Variants in SPHKAP observed in about 807,000 individuals in gnomAD.
SPHKAP encodes the protein A-kinase anchor protein SPHKAP.
In SPHKAP, 67 loss-of-function variants were observed where a neutral mutation model predicts 137.5. The ratio of observed to expected loss-of-function variants is 0.49; its 90% confidence interval spans 0.40 to 0.60. The LOEUF is 0.60. SPHKAP is among the 20% of genes least tolerant of loss of function. The pLI is 0.00. For synonymous variants in SPHKAP, 813 were observed against 785.3 expected (o/e 1.04, Z -0.59); for missense variants, 2,097 against 2,069.3 (o/e 1.01, Z -0.26).
intron 3 of SPHKAP, among the ~76,000 whole-genome samples, chr2:228,083,121 C>G (rs186406618): frequency 1.4e-4 from 21 of 152,182 alleles, no homozygotes; most frequent in African/African-American, 4.6e-4. Context: ...AAAAATAAAC[C>G]TCTCAACCCA....
At chr2:228,099,657 G>T (rs927753930) in intron 3 of SPHKAP, among the ~76,000 whole-genome samples, 2 of 152,086 alleles carry the variant, frequency 1.3e-5, no homozygotes, top group African/African-American at 4.8e-5. Flanking sequence ...TAATCCATGA[G>T]CATAGGATGA....
In SPHKAP at chr2:228,149,024, A is replaced by G. The variant is rs532762598; in HGVS notation, c.33-16939T>C. 7.2e-5 allele frequency among the ~76,000 whole-genome samples: 11 copies of G among 152,290 alleles called. 1 individual carries two copies. The East Asian group carries it at 9.7e-4, about 13-fold the overall frequency. On this transcript the variant is annotated intron_variant, in intron 1 of 11. Coordinates refer to ENST00000392056, the MANE Select transcript of SPHKAP (RefSeq NM_001142644.2). ...ATTTGTGTCTGATTGAGCTTCATATAATTGATGCATTAAAGAGGTAATTTA... is the reference window on the plus strand; with the variant it reads ...ATTTGTGTCTGATTGAGCTTCATATGATTGATGCATTAAAGAGGTAATTTA...
chr2:228,032,924 T>C (rs1336426425), intron 3 of SPHKAP, among the ~76,000 whole-genome samples: 1 of 152,086 alleles, frequency 6.6e-6, no homozygotes, highest in Admixed American at 6.6e-5. Context: ...TCCAAAAACA[T>C]GCCAAAATGT....
chr2:228,019,780 AGCACAT>A lies in SPHKAP; in HGVS notation c.1068_1073del (p.Cys357_Ala358del). 1 of 1,614,116 alleles carries A rather than the reference AGCACAT, an allele frequency of 6.2e-7. No homozygotes were observed. The highest frequency in any genetic ancestry group is 8.5e-7 in the Non-Finnish European group (1 of 1,179,986). On this transcript the variant is annotated inframe_deletion, in exon 7 of 12. Transcript: ENST00000392056. ...TTAGGTTGCTTCTCTGCTCTGCCAC[AGCACAT>A]GCAGAAGGTACATCTTTATCCATCA... is the stretch of plus-strand genomic sequence containing the variant.
Position 228,019,913 on chromosome 2 carries a change from C to T in SPHKAP, c.941G>A (p.Gly314Glu), listed in dbSNP as rs1694769425. ...ATAATGTGTGGCTTGTCTCCCATTC[C>T]CCACAGCTTCTCTTTTCCACTGTGA... Reference protein sequence around the residue: ...KPSQWKREAVGNGRQATHYYH... With the variant: ...KPSQWKREAVENGRQATHYYH... The change falls in exon 7 of 12, where the codon GGG (glycine) becomes GAG (glutamate). Residue 314 changes from glycine (G) to glutamate (E), a missense_variant. By Grantham distance (98) the Gly-to-Glu change is moderately conservative (BLOSUM62 -2). Coordinates refer to ENST00000392056, the MANE Select transcript of SPHKAP (RefSeq NM_001142644.2). 2 of 1,614,238 alleles carry T rather than the reference C, an allele frequency of 1.2e-6. No individual in the cohort carries two copies. Among genetic ancestry groups the T allele is most frequent in the Non-Finnish European group, 1.7e-6 (2 of 1,180,038 alleles).
intron 3 of SPHKAP, among the ~76,000 whole-genome samples, chr2:228,081,497 A>C (rs763996203): frequency 9.2e-5 from 14 of 152,206 alleles, no homozygotes; most frequent in Non-Finnish European, 1.9e-4. Context: ...CTGCAATTCC[A>C]TGTTTATTAC....
At position 227,981,593 on chromosome 2, in the gene SPHKAP, A is replaced by T; in HGVS notation, c.*124T>A. 7.8e-7 allele frequency: 1 copy of T among 1,285,274 alleles called. No homozygotes were observed. The highest frequency in any genetic ancestry group is 1.1e-6 in the Non-Finnish European group (1 of 952,002). 79.6% of individuals were successfully genotyped at this position (1,285,274 alleles called of 1,614,324 possible). On this transcript the variant is annotated 3_prime_UTR_variant, in exon 12 of 12. Coordinates refer to ENST00000392056, the MANE Select transcript of SPHKAP (RefSeq NM_001142644.2). ...TGTATGCAGTGGATCTGAGTAGCAGATTTTTTTTTATAGTTCTGCTAATGT... is the reference window on the plus strand; with the variant it reads ...TGTATGCAGTGGATCTGAGTAGCAGTTTTTTTTTTATAGTTCTGCTAATGT...
chr2:228,115,391 C>T (rs1698676878), intron 2 of SPHKAP, among the ~76,000 whole-genome samples: 1 of 152,112 alleles, frequency 6.6e-6, no homozygotes, highest in Non-Finnish European at 1.5e-5. Flanking sequence ...ACCTGACTTC[C>T]TGACTTCCCT....
At chr2:228,109,236 G>T (rs571650463) in intron 2 of SPHKAP, 15 of 365,436 alleles carry the variant, frequency 4.1e-5, no homozygotes, top group African/African-American at 2.9e-4. Flanking sequence ...TCAAATGATT[G>T]TTTTGGGGGT....
chr2:228,058,665 C>T (rs866017810), intron 3 of SPHKAP, among the ~76,000 whole-genome samples: 3 of 152,324 alleles, frequency 2.0e-5, no homozygotes, highest in Middle Eastern at 3.4e-3. Context: ...GATTTCCCAG[C>T]ATTCTGTGCT....
At chr2:228,062,767 G>A (rs879486617) in intron 3 of SPHKAP, among the ~76,000 whole-genome samples, 29 of 152,110 alleles carry the variant, frequency 1.9e-4, no homozygotes, top group Non-Finnish European at 3.4e-4. Flanking sequence ...AATCCATCAT[G>A]AAGAACCATA....
chr2:228,046,536 G>A (rs1001530311), intron 3 of SPHKAP, among the ~76,000 whole-genome samples: 2 of 152,036 alleles, frequency 1.3e-5, no homozygotes, highest in Non-Finnish European at 2.9e-5. Flanking sequence ...GATTCAAAAA[G>A]CTTGCCAACA....
At chr2:228,016,380 T>C in intron 7 of SPHKAP, 26 bp downstream of exon 7, 1 of 1,547,690 alleles carries the variant, frequency 6.5e-7, no homozygotes, top group Non-Finnish European at 8.7e-7. Context: ...ACATGCACCC[T>C]ATGTAGTCTG....
At chr2:227,999,253 T>C (rs1209708109) in intron 7 of SPHKAP, among the ~76,000 whole-genome samples, 1 of 152,162 alleles carries the variant, frequency 6.6e-6, no homozygotes, top group Non-Finnish European at 1.5e-5. Flanking sequence ...GCTATGCTGC[T>C]AACACTTTGT....
chr2:228,058,012 C>T (rs915287814), intron 3 of SPHKAP, among the ~76,000 whole-genome samples: 1 of 152,182 alleles, frequency 6.6e-6, no homozygotes, highest in Non-Finnish European at 1.5e-5. Context: ...GTCCCCATCC[C>T]CAACAACCCA....
At chr2:228,133,590 A>G (rs1474064006) in intron 1 of SPHKAP, among the ~76,000 whole-genome samples, 1 of 152,232 alleles carries the variant, frequency 6.6e-6, no homozygotes, top group African/African-American at 2.4e-5. Flanking sequence ...TGCACAATTC[A>G]CTAACATGTA....
intron 3 of SPHKAP, among the ~76,000 whole-genome samples, chr2:228,053,467 G>T (rs1473244125): frequency 6.6e-6 from 1 of 152,156 alleles, no homozygotes; most frequent in Non-Finnish European, 1.5e-5. Context: ...CTGGGCATGT[G>T]TGTTAAAATC....
chr2:228,119,893 G>T (rs2106361601), intron 2 of SPHKAP, among the ~76,000 whole-genome samples: 1 of 152,134 alleles, frequency 6.6e-6, no homozygotes, highest in Admixed American at 6.5e-5. Flanking sequence ...TGCTTCCAAA[G>T]TATGAATATT....
intron 3 of SPHKAP, among the ~76,000 whole-genome samples, chr2:228,037,453 C>G (rs1695665708): frequency 6.6e-6 from 1 of 152,188 alleles, no homozygotes; most frequent in South Asian, 2.1e-4. Context: ...CATCCCTGAC[C>G]TGGCACATTC....
Sources: gnomAD v4.1 joint callset for allele counts (sites outside exome capture counted in the v4.1 genomes callset) on GRCh38, gnomAD v4.1.1 for gene constraint, MANE v1.5 for transcripts, NCBI Gene and HGNC (gene_info 2026-07-23, HGNC 2026-07-21) for gene names.